RTL4: variants seen among roughly 807,000 people sequenced by gnomAD.
The protein encoded by RTL4 is retrotransposon Gag-like protein 4.
RTL4 carries 4 observed loss-of-function variants against 5.3 expected under a neutral mutation model. The ratio of observed to expected loss-of-function variants is 0.75; its 90% confidence interval spans 0.37 to 1.72. The LOEUF is 1.72. RTL4 is among the 40% of genes most tolerant of loss of function. RTL4 has a pLI of 0.04. For missense variants in RTL4, 260 were observed against 227.1 expected (o/e 1.14, Z -0.93); for synonymous variants, 98 against 87.3 (o/e 1.12, Z -0.68).
At chrX:112,450,128 T>A (rs1926710065), upstream of RTL4, among the ~76,000 whole-genome samples, 1 of 112,005 alleles carries the variant, frequency 8.9e-6, no homozygotes, top group Admixed American at 9.4e-5. Context: ...AGTTTGAAAT[T>A]AAAGCAGTGT....
chrX:112,391,136 CTTGTA>C, the RTL4 span, among the ~76,000 whole-genome samples: 3 of 111,901 alleles, frequency 2.7e-5, no homozygotes, highest in East Asian at 8.4e-4. Flanking sequence ...TTGTGAAATT[CTTGTA>C]TTGTGTTTTT....
the RTL4 span, among the ~76,000 whole-genome samples, chrX:112,406,649 A>G: frequency 8.1e-5 from 9 of 110,869 alleles, no homozygotes; most frequent in Admixed American, 8.7e-4. Context: ...GGGAAATGCA[A>G]CCTACTGAGA....
chrX:112,134,289 G>A, the RTL4 span, among the ~76,000 whole-genome samples: 1 of 112,062 alleles, frequency 8.9e-6, no homozygotes, highest in Non-Finnish European at 1.9e-5. Context: ...GTGGAGTGGA[G>A]CAAAGCACTG....
chrX:112,245,023 T>C, the RTL4 span, among the ~76,000 whole-genome samples: 1 of 112,255 alleles, frequency 8.9e-6, no homozygotes, highest in African/African-American at 3.2e-5. Flanking sequence ...AATATTGGCG[T>C]CCACTCTCTT....
At chrX:112,212,346 A>C in the RTL4 span, among the ~76,000 whole-genome samples, 6 of 112,007 alleles carry the variant, frequency 5.4e-5, no homozygotes, top group East Asian at 2.8e-4. Flanking sequence ...ACTGCACTCC[A>C]GCCTGGGCGA....
At chrX:112,407,128 G>A in the RTL4 span, among the ~76,000 whole-genome samples, 3 of 109,564 alleles carry the variant, frequency 2.7e-5, no homozygotes, top group Non-Finnish European at 3.8e-5. Context: ...CAAAGGCAAA[G>A]GTAAAGTGGA....
At chrX:112,147,167 G>A in the RTL4 span, among the ~76,000 whole-genome samples, 3 of 107,691 alleles carry the variant, frequency 2.8e-5, no homozygotes, top group Admixed American at 3.0e-4. Context: ...TTTTTTTTCA[G>A]CAACGATACC....
chrX:112,145,317 T>A, the RTL4 span, among the ~76,000 whole-genome samples: 1 of 111,783 alleles, frequency 8.9e-6, no homozygotes, highest in Non-Finnish European at 1.9e-5. Flanking sequence ...TATCGATGCT[T>A]AATTCACCAG....
At chrX:112,436,861 A>C in the RTL4 span, among the ~76,000 whole-genome samples, 1 of 111,268 alleles carries the variant, frequency 9.0e-6, no homozygotes, top group Admixed American at 9.6e-5. Context: ...CAACCAGAAA[A>C]AGTCAGTAGT....
the RTL4 span, among the ~76,000 whole-genome samples, chrX:112,390,106 AATATATATATATATATATATATAT>A: frequency 0.021 from 363 of 17,385 alleles, 15 homozygotes; most frequent in African/African-American, 0.036. Flanking sequence ...ATTTATATAT[AATATATATATATATATATATATAT>A]ATATATATAT....
chrX:112,200,445 A>C, the RTL4 span, among the ~76,000 whole-genome samples: 1 of 112,200 alleles, frequency 8.9e-6, no homozygotes, highest in African/African-American at 3.2e-5. Context: ...TCTGTCATAT[A>C]GTAGGCTCCC....
At chrX:112,124,616 T>C in the RTL4 span, among the ~76,000 whole-genome samples, 1 of 106,228 alleles carries the variant, frequency 9.4e-6, no homozygotes, top group Non-Finnish European at 1.9e-5. Context: ...TAAGTGGGAG[T>C]TGAACAATGA....
the RTL4 span, among the ~76,000 whole-genome samples, chrX:112,237,136 C>G: frequency 8.9e-6 from 1 of 112,051 alleles, no homozygotes; most frequent in African/African-American, 3.2e-5. Flanking sequence ...ATAAAGAATT[C>G]TAGATTTCAG....
the RTL4 span, among the ~76,000 whole-genome samples, chrX:112,433,060 C>G: frequency 4.5e-5 from 5 of 109,955 alleles, no homozygotes; most frequent in African/African-American, 1.3e-4. Context: ...GGCATTATTT[C>G]TGAGGGCTCT....
the RTL4 span, among the ~76,000 whole-genome samples, chrX:112,354,937 T>C: frequency 9.0e-5 from 10 of 111,311 alleles, no homozygotes; most frequent in South Asian, 3.8e-3. Flanking sequence ...CTACCAGTAA[T>C]AGTAGTAATA....
At chrX:112,453,365 T>C (rs1347949218), upstream of RTL4, among the ~76,000 whole-genome samples, 1 of 112,220 alleles carries the variant, frequency 8.9e-6, no homozygotes, top group Non-Finnish European at 1.9e-5. Context: ...TGCTATGCCA[T>C]ATGTTTGGGG....
the RTL4 span, among the ~76,000 whole-genome samples, chrX:112,218,284 A>C: frequency 0.26 from 28,224 of 110,439 alleles, 3,541 homozygotes; most frequent in African/African-American, 0.49. Context: ...ACTAAACTCT[A>C]ATTGTCCTGG....
the RTL4 span, among the ~76,000 whole-genome samples, chrX:112,432,816 G>T: frequency 4.5e-5 from 5 of 110,384 alleles, no homozygotes; most frequent in East Asian, 2.9e-4. Context: ...CATGCCTATG[G>T]CCTGAATGAT....
chrX:112,208,810 T>G, the RTL4 span, among the ~76,000 whole-genome samples: 1 of 112,315 alleles, frequency 8.9e-6, no homozygotes, highest in Non-Finnish European at 1.9e-5. Flanking sequence ...AAAGGGCTAT[T>G]TTTTGGTCTG....
Sources: gnomAD v4.1 joint callset for allele counts (sites outside exome capture counted in the v4.1 genomes callset) on GRCh38, gnomAD v4.1.1 for gene constraint, MANE v1.5 for transcripts, NCBI Gene and HGNC (gene_info 2026-07-23, HGNC 2026-07-21) for gene names.